Variants in CNTNAP5 observed in about 807,000 individuals in gnomAD.
CNTNAP5 encodes contactin-associated protein-like 5.
CNTNAP5 carries 72 observed loss-of-function variants against 150.2 expected under a neutral mutation model. That is an observed-to-expected ratio of 0.48 (90% confidence interval 0.40 to 0.58). The LOEUF (loss-of-function observed/expected upper bound fraction) is 0.58. CNTNAP5 is among the 20% of genes least tolerant of loss of function. CNTNAP5 has a pLI of 0.00. For missense variants in CNTNAP5, 1,636 were observed against 1,626.2 expected, an observed-to-expected ratio of 1.01 and a Z score of -0.10; for synonymous variants, 672 against 619.8, an observed-to-expected ratio of 1.08 and a Z score of -1.25.
chr2:124,525,797 C>T (rs1694951388), intron 9 of CNTNAP5, among the ~76,000 whole-genome samples: 1 of 152,074 alleles, frequency 6.6e-6, no homozygotes, highest in Admixed American at 6.5e-5. Context: ...ATGCAGAAAC[C>T]TTGTGCAGTA....
At chr2:124,356,557 G>A (rs1690014261) in intron 3 of CNTNAP5, among the ~76,000 whole-genome samples, 1 of 149,770 alleles carries the variant, frequency 6.7e-6, no homozygotes, top group Non-Finnish European at 1.5e-5. Flanking sequence ...AATATGCGGT[G>A]TTTGGTTTTT....
intron 1 of CNTNAP5, among the ~76,000 whole-genome samples, chr2:124,114,029 T>C (rs964955684): frequency 2.0e-5 from 3 of 152,044 alleles, no homozygotes; most frequent in African/African-American, 7.2e-5. Flanking sequence ...GTAGTTATAA[T>C]GATTTGTGGT....
At chr2:124,195,078 C>A (rs1429073300) in intron 1 of CNTNAP5, among the ~76,000 whole-genome samples, 1 of 151,916 alleles carries the variant, frequency 6.6e-6, no homozygotes, top group Non-Finnish European at 1.5e-5. Context: ...TAAAAAACAT[C>A]TAAAGAGAAC....
chr2:124,230,600 C>A (rs1374677563), intron 2 of CNTNAP5, among the ~76,000 whole-genome samples: 3 of 151,378 alleles, frequency 2.0e-5, no homozygotes. Context: ...GGCATGATCT[C>A]GGCTCACTGC....
chr2:124,484,317 C>T (rs1312613241), intron 7 of CNTNAP5, among the ~76,000 whole-genome samples: 1 of 152,130 alleles, frequency 6.6e-6, no homozygotes, highest in Non-Finnish European at 1.5e-5. Flanking sequence ...AAGAAACACC[C>T]TTTTATGTCA....
At chr2:124,044,109 T>C (rs1681464204) in intron 1 of CNTNAP5, among the ~76,000 whole-genome samples, 1 of 152,212 alleles carries the variant, frequency 6.6e-6, no homozygotes, top group African/African-American at 2.4e-5. Flanking sequence ...TCAGAGTACA[T>C]TGAACTGCAA....
At chr2:124,698,788 G>A (rs929966465) in intron 13 of CNTNAP5, among the ~76,000 whole-genome samples, 1 of 152,034 alleles carries the variant, frequency 6.6e-6, no homozygotes. Context: ...TAGCCCCTGG[G>A]GAGCCTCCCA....
chr2:124,509,703 T>A (rs1694511766), intron 8 of CNTNAP5, among the ~76,000 whole-genome samples: 1 of 152,220 alleles, frequency 6.6e-6, no homozygotes, highest in African/African-American at 2.4e-5. Context: ...TTGTGCATAC[T>A]GTCCATTGCT....
intron 11 of CNTNAP5, among the ~76,000 whole-genome samples, chr2:124,592,657 C>G (rs999490537): frequency 2.0e-5 from 3 of 152,006 alleles, no homozygotes; most frequent in Non-Finnish European, 4.4e-5. Context: ...AAAGGCCTTT[C>G]CCCTATAATA....
chr2:124,358,253 G>A (rs1277573577), intron 3 of CNTNAP5, among the ~76,000 whole-genome samples: 3 of 151,602 alleles, frequency 2.0e-5, no homozygotes, highest in Non-Finnish European at 4.4e-5. Context: ...CTGCAAACAG[G>A]GACAATTTGA....
intron 1 of CNTNAP5, among the ~76,000 whole-genome samples, chr2:124,027,179 A>G (rs1398162063): frequency 6.6e-6 from 1 of 152,166 alleles, no homozygotes; most frequent in African/African-American, 2.4e-5. Context: ...TTACTTCTTC[A>G]TCTCATTCTC....
chr2:124,732,979 G>A (rs1680304645), intron 13 of CNTNAP5, among the ~76,000 whole-genome samples: 1 of 152,152 alleles, frequency 6.6e-6, no homozygotes. Flanking sequence ...GTGACTTGGA[G>A]GTGGGTCTAT....
intron 19 of CNTNAP5, among the ~76,000 whole-genome samples, chr2:124,845,777 G>T (rs1024006923): frequency 6.6e-6 from 1 of 152,248 alleles, no homozygotes; most frequent in South Asian, 2.1e-4. Flanking sequence ...TGTGCATAAA[G>T]GTGTTCATAA....
At chr2:124,510,350 C>A (rs1694546040) in intron 8 of CNTNAP5, among the ~76,000 whole-genome samples, 2 of 14,412 alleles carry the variant, frequency 1.4e-4, no homozygotes, top group African/African-American at 1.8e-4. Context: ...CATATGTCAA[C>A]ACACACACAC....
chr2:124,468,306 G>A (rs1693428722), intron 6 of CNTNAP5, among the ~76,000 whole-genome samples: 1 of 152,114 alleles, frequency 6.6e-6, no homozygotes, highest in African/African-American at 2.4e-5. Context: ...CCTCAAAATA[G>A]GGAAGCCAAC....
chr2:124,402,194 C>G (rs1416461534), intron 3 of CNTNAP5, among the ~76,000 whole-genome samples: 2 of 152,118 alleles, frequency 1.3e-5, no homozygotes, highest in Admixed American at 6.5e-5. Context: ...GAATGAATGA[C>G]AGTGAAGGCC....
At chr2:124,644,292 G>A (rs1383701872) in intron 12 of CNTNAP5, among the ~76,000 whole-genome samples, 1 of 152,142 alleles carries the variant, frequency 6.6e-6, no homozygotes, top group South Asian at 2.1e-4. Context: ...TCTTTCAGTG[G>A]CATTAACACC....
chr2:124,122,888 G>GA (rs956076639), intron 1 of CNTNAP5, among the ~76,000 whole-genome samples: 5 of 149,474 alleles, frequency 3.3e-5, no homozygotes, highest in African/African-American at 7.4e-5. Flanking sequence ...CTAGTGATAA[G>GA]AAAAAAAATA....
chr2:124,446,938 G>A lies in CNTNAP5; in HGVS notation c.918+1G>A, dbSNP rs759144860. The stretch of plus-strand genomic sequence containing the variant: ...GGATGCCTTAGACATTGACTATGAG[G>A]TGAGTTGATCCTCCTTCCTGCACCT... On this transcript the variant is annotated splice_donor_variant, in intron 6 of 23. Coordinates refer to ENST00000682447, the MANE Select transcript of CNTNAP5 (RefSeq NM_001367498.1). LOFTEE classifies it high-confidence loss of function. 3 of 1,612,072 alleles carry A rather than the reference G, an allele frequency of 1.9e-6. No individual in the cohort carries two copies. The highest frequency in any genetic ancestry group is 2.5e-6 in the Non-Finnish European group (3 of 1,178,616).
Sources: allele counts gnomAD v4.1 joint callset (sites outside exome capture counted in the v4.1 genomes callset), GRCh38; gene constraint gnomAD v4.1.1; transcripts MANE v1.5; gene names NCBI Gene and HGNC (gene_info 2026-07-23, HGNC 2026-07-21).